ARHGEF19: variants seen among roughly 807,000 people sequenced by gnomAD.
The protein encoded by ARHGEF19 is Rho guanine nucleotide exchange factor 19, also known as Rho guanine nucleotide exchange factor (GEF) 19.
A neutral mutation model predicts 87.6 loss-of-function variants in ARHGEF19; 92 were observed. That is an observed-to-expected ratio of 1.05 (90% CI 0.89 to 1.25). The LOEUF is 1.25. Ranked by LOEUF, ARHGEF19 falls within the 50% of genes most tolerant of loss-of-function variation. The pLI, the probability that ARHGEF19 is intolerant of heterozygous loss-of-function variation, is 0.00. For synonymous variants in ARHGEF19, 438 were observed against 446.2 expected, an observed-to-expected ratio of 0.98 and a Z score of 0.23; for missense variants, 1,054 against 1,051.8, an observed-to-expected ratio of 1.00 and a Z score of -0.03.
At position 16,205,061 on chromosome 1, in the gene ARHGEF19, C is replaced by A; in HGVS notation, c.1746+26G>T. 6.3e-7 allele frequency: 1 copy of A among 1,582,004 alleles called. No individual in the cohort carries two copies. Among genetic ancestry groups the A allele is most frequent in the Non-Finnish European group, 8.6e-7 (1 of 1,163,928 alleles). On this transcript the variant is annotated intron_variant, in intron 11 of 15. Coordinates refer to ENST00000270747, the MANE Select transcript of ARHGEF19 (RefSeq NM_153213.5). The surrounding 1 kb of genome is among the most constrained non-coding windows in gnomAD (Gnocchi z 5.8). ...AAACAAGAGCTGCCCCTTGGGGTCC[C>A]CATCCCGCTGGCTGCAGACACACAC...
Position 16,207,262 on chromosome 1 carries a change from C to T in ARHGEF19, c.875-52G>A, listed in dbSNP as rs1233778007. 6 of 1,464,742 alleles carry T rather than the reference C, an allele frequency of 4.1e-6. No individual in the cohort carries two copies. The highest frequency in any genetic ancestry group is 5.4e-6 in the Non-Finnish European group (6 of 1,113,946). The allele number at this position is 1,464,742 out of a possible 1,614,324, so 90.7% of individuals were successfully genotyped here. A position where few individuals can be genotyped will look rare whatever the true frequency, so the allele number is the denominator to read the frequency against. On this transcript the variant is annotated intron_variant, in intron 5 of 15. Transcript: ENST00000270747. This position sits in a 1 kb window ranked among gnomAD's most constrained non-coding sequence, Gnocchi z 4.0. ...CGTGGGGCGCCCGCCAGCCCCTGCCCGGCTTTTCCTCGGTTCCCTCAAGAG... is the reference window on the plus strand; with the variant it reads ...CGTGGGGCGCCCGCCAGCCCCTGCCTGGCTTTTCCTCGGTTCCCTCAAGAG...
rs1365401506 is a variant in ARHGEF19, at chr1:16,206,919, C to G, written c.1137+29G>C. Reference sequence around the variant, plus strand: ...GACCGCGTACTCCCCGGCCCGCCCCCGCCCCGCCGGGTCCCCGCGCGCGCC... The same window carrying G: ...GACCGCGTACTCCCCGGCCCGCCCCGGCCCCGCCGGGTCCCCGCGCGCGCC... On this transcript the variant is annotated intron_variant, in intron 6 of 15. Transcript: ENST00000270747. The surrounding 1 kb of genome is among the most constrained non-coding windows in gnomAD (Gnocchi z 4.6). 4.9e-6 allele frequency: 7 copies of G among 1,438,916 alleles called. No individual in the cohort carries two copies. The highest frequency in any genetic ancestry group is 6.3e-6 in the Non-Finnish European group (7 of 1,105,852). 89.1% of individuals were successfully genotyped at this position (1,438,916 alleles called of 1,614,324 possible). A position where few individuals can be genotyped will look rare whatever the true frequency, so the allele number is the denominator to read the frequency against.
At chr1:16,204,650 A>G in intron 12 of ARHGEF19, 109 bp downstream of exon 12, 1 of 1,328,542 alleles carries the variant, frequency 7.5e-7, no homozygotes, top group East Asian at 2.5e-5. Flanking sequence ...ATACCCTGGC[A>G]CAGGCAGGGA....
Position 16,198,893 on chromosome 1 carries a change from C to A in ARHGEF19, c.2252-149G>T. The stretch of plus-strand genomic sequence containing the variant: ...GCATCTCTCAGCTCCAGGAAGGACC[C>A]TGTCTTGAGCTGTCTTGCAGATGAA... On this transcript the variant is annotated intron_variant, in intron 15 of 15. Coordinates refer to ENST00000270747, the MANE Select transcript of ARHGEF19 (RefSeq NM_153213.5). This position sits in a 1 kb window ranked among gnomAD's most constrained non-coding sequence, Gnocchi z 4.1. 9.6e-7 allele frequency: 1 copy of A among 1,039,056 alleles called. No individual in the cohort carries two copies. The allele number at this position is 1,039,056 out of a possible 1,614,324, so 64.4% of individuals were successfully genotyped here. A position where few individuals can be genotyped will look rare whatever the true frequency, so the allele number is the denominator to read the frequency against.
At position 16,207,904 on chromosome 1, in the gene ARHGEF19, G is replaced by GGGGGGCCCC; in HGVS notation, c.694+39_694+40insGGGGCCCCC. The GGGGGGCCCC allele has an allele frequency of 6.9e-7, 1 of 1,450,468 alleles. No homozygotes were observed. The highest frequency in any genetic ancestry group is 9.5e-7 in the Non-Finnish European group (1 of 1,057,620). The allele number at this position is 1,450,468 out of a possible 1,614,324, so 89.8% of individuals were successfully genotyped here. On this transcript the variant is annotated intron_variant, in intron 3 of 15. Transcript: ENST00000270747. The surrounding 1 kb of genome is among the most constrained non-coding windows in gnomAD (Gnocchi z 4.0). ...CATCGCCCACCCCCACCCCCACCCG[G>GGGGGGCCCC]CATCTGGCTGCCCTCAGGGCCCATG... is the stretch of plus-strand genomic sequence containing the variant.
Position 16,207,864 on chromosome 1 carries a change from C to A in ARHGEF19, c.694+80G>T, listed in dbSNP as rs551710941. The A allele has an allele frequency of 1.1e-5, 17 of 1,584,076 alleles. No homozygotes were observed. The highest frequency in any genetic ancestry group is 1.4e-5 in the Non-Finnish European group (16 of 1,166,154). On this transcript the variant is annotated intron_variant, in intron 3 of 15. Transcript: ENST00000270747. This position sits in a 1 kb window ranked among gnomAD's most constrained non-coding sequence, Gnocchi z 4.0. ...GCCCAGGCACCCTGACGGCCTCAGG[C>A]GGCCGGTGAGTGGGCATCGCCCACC...
At chr1:16,208,255 G>A (rs201379329) in intron 2 of ARHGEF19, 30 bp from the exon 3 acceptor site, 7 of 1,599,704 alleles carry the variant, frequency 4.4e-6, no homozygotes, top group East Asian at 4.5e-5. Context: ...GTGAGAGCAC[G>A]GGCTGGGGTC....
At position 16,205,994 on chromosome 1, in the gene ARHGEF19, C is replaced by A; in HGVS notation, c.1388G>T (p.Arg463Leu). 1.9e-6 allele frequency: 3 copies of A among 1,609,770 alleles called. No homozygotes were observed. Among genetic ancestry groups the A allele is most frequent in the South Asian group, 1.1e-5 (1 of 90,254 alleles). Residue 463 changes from arginine to leucine, a missense_variant, in exon 8 of 16, where the codon CGC becomes CTC. By Grantham distance (102) the Arg-to-Leu change is moderately radical. Coordinates refer to ENST00000270747, the MANE Select transcript of ARHGEF19 (RefSeq NM_153213.5). The surrounding 1 kb of genome is among the most constrained non-coding windows in gnomAD (Gnocchi z 5.8). ...GGTGACATAGGGCAGGTAGACTCTG[C>A]GGAAGGCCGGGCAGTGGTCCAGCAC... ...DVVLDHCPAFRRVYLPYVTNQ... is the reference protein window; with the variant it reads ...DVVLDHCPAFLRVYLPYVTNQ...
In ARHGEF19 at chr1:16,207,061, G is replaced by T; in HGVS notation, c.1024C>A (p.Arg342=). ...RANLSPSSSF[R]AQRSARGSTF... ...GAGCCTCGCGCCGAGCGCTGCGCCC[G>T]GAAGGAGCTGCTGGGGGAGAGGTTG... The change falls in exon 6 of 16, where the codon CGG becomes AGG. Residue 342 remains arginine, a synonymous_variant. Transcript: ENST00000270747. The surrounding 1 kb of genome is among the most constrained non-coding windows in gnomAD (Gnocchi z 4.0). 1 of 1,507,334 alleles carries T rather than the reference G, an allele frequency of 6.6e-7. No homozygotes were observed. The allele number at this position is 1,507,334 out of a possible 1,614,324, so 93.4% of individuals were successfully genotyped here.
chr1:16,202,282 T>C, intron 13 of ARHGEF19, 134 bp downstream of exon 13: 11 of 1,319,560 alleles, frequency 8.3e-6, no homozygotes, highest in Non-Finnish European at 1.1e-5. Context: ...CAGGGAAGAG[T>C]TGAGCACTTG....
At position 16,208,939 on chromosome 1, in the gene ARHGEF19, G is replaced by T. The variant is rs771545514; in HGVS notation, c.116C>A (p.Ala39Asp). 3.8e-6 allele frequency: 6 copies of T among 1,581,266 alleles called. No homozygotes were observed. The highest frequency in any genetic ancestry group is 5.1e-6 in the Non-Finnish European group (6 of 1,165,158). ...QESLSFAELP[A>D]LKPPSPVCLD... ...ACACACTGGGCTCGGGGGCTTCAGGGCGGGCAGCTCTGCAAAGGACAGACT... is the reference window on the plus strand; with the variant it reads ...ACACACTGGGCTCGGGGGCTTCAGGTCGGGCAGCTCTGCAAAGGACAGACT... The change falls in exon 2 of 16, where the codon GCC becomes GAC. Residue 39 changes from alanine to aspartate, a missense_variant. Physicochemically the swap from Ala to Asp is moderately radical, Grantham distance 126. Coordinates refer to ENST00000270747, the MANE Select transcript of ARHGEF19 (RefSeq NM_153213.5).
At chr1:16,211,847 G>C (rs765019313) in intron 1 of ARHGEF19, among the ~76,000 whole-genome samples, 6 of 152,144 alleles carry the variant, frequency 3.9e-5, no homozygotes, top group African/African-American at 1.4e-4. Context: ...CCTTCCCAAG[G>C]CACGATCACA....
At chr1:16,199,383 T>G (rs1569695179) in intron 14 of ARHGEF19, 129 bp from the exon 15 acceptor site, 13 of 727,946 alleles carry the variant, frequency 1.8e-5, no homozygotes, top group Non-Finnish European at 2.6e-5. Flanking sequence ...CTTCTATTCC[T>G]CTGCCACTGC....
chr1:16,209,520 A>T (rs1483921487), intron 1 of ARHGEF19, among the ~76,000 whole-genome samples: 3 of 152,202 alleles, frequency 2.0e-5, no homozygotes, highest in Non-Finnish European at 2.9e-5. Context: ...ATTTCCCAAC[A>T]TATACATCCA....
At position 16,205,383 on chromosome 1, in the gene ARHGEF19, T is replaced by A; in HGVS notation, c.1624A>T (p.Met542Leu). ...RTAQGSEDED[M>L]ATKAFNALKE... ...AGCGCATTGAAGGCCTTGGTGGCCA[T>A]GTCTTCGTCTTCAGAGCCCTGTGCT... Residue 542 changes from methionine (M) to leucine (L), a missense_variant, in exon 10 of 16, where the codon ATG becomes TTG. Physicochemically the swap from Met to Leu is conservative, Grantham distance 15. Transcript: ENST00000270747. This position sits in a 1 kb window ranked among gnomAD's most constrained non-coding sequence, Gnocchi z 5.8. 1 of 1,613,570 alleles carries A rather than the reference T, an allele frequency of 6.2e-7. No individual in the cohort carries two copies. The highest frequency in any genetic ancestry group is 8.5e-7 in the Non-Finnish European group (1 of 1,179,646).
At position 16,208,153 on chromosome 1, in the gene ARHGEF19, G is replaced by A. The variant is rs201299867; in HGVS notation, c.485C>T (p.Pro162Leu). The A allele has an allele frequency of 1.9e-6, 3 of 1,613,382 alleles. No individual in the cohort carries two copies. In the Admixed American group the frequency reaches 5.0e-5, roughly 27 times the overall value. ...CPEAHAVFLE[P>L]GQVVQEQALS... ...GGCCTGCTCTTGCACTACCTGGCCA[G>A]GCTCTAGGAAGACAGCGTGGGCCTC... The change falls in exon 3 of 16, where the codon CCT becomes CTT. Residue 162 changes from proline to leucine, a missense_variant. By Grantham distance (98) the Pro-to-Leu change is moderately conservative. Transcript: ENST00000270747.
Position 16,205,013 on chromosome 1 carries a change from C to T in ARHGEF19, c.1746+74G>A. 1.3e-6 allele frequency: 2 copies of T among 1,562,188 alleles called. No homozygotes were observed. The highest frequency in any genetic ancestry group is 2.4e-5 in the South Asian group (2 of 85,032). On this transcript the variant is annotated intron_variant, in intron 11 of 15. Transcript: ENST00000270747. This position sits in a 1 kb window ranked among gnomAD's most constrained non-coding sequence, Gnocchi z 5.8. ...AGGGTGTGGGCAGCGATTAACTGGC[C>T]TGAAGCCCCCAGGGCAAGGAAGAAA...
rs562367221 is a variant in ARHGEF19 at position 16,198,630 on chromosome 1, C to T, written c.2366G>A (p.Arg789Gln). 10 of 1,613,508 alleles carry T rather than the reference C, an allele frequency of 6.2e-6. No individual in the cohort carries two copies. In the East Asian group the frequency reaches 6.7e-5, roughly 11 times the overall value. Residue 789 changes from arginine to glutamine, a missense_variant, in exon 16 of 16, where the codon CGA becomes CAA. Physicochemically the swap from Arg to Gln is conservative, Grantham distance 43. Transcript: ENST00000270747. The surrounding 1 kb of genome is among the most constrained non-coding windows in gnomAD (Gnocchi z 4.1). ...ARLRNLRENK[R>Q]VTSATSKLGE... ...CAGTTTGCTGGTGGCACTTGTGACT[C>T]GCTTATTCTCCCGGAGGTTTCGGAG...
intron 1 of ARHGEF19, among the ~76,000 whole-genome samples, chr1:16,212,098 T>G (rs1219661517): frequency 1.3e-5 from 2 of 152,186 alleles, no homozygotes; most frequent in African/African-American, 4.8e-5. Flanking sequence ...CCAAGAAGGA[T>G]GGGCAGGGGC....
Sources: gnomAD v4.1 joint callset for allele counts (sites outside exome capture counted in the v4.1 genomes callset) on GRCh38, gnomAD v4.1.1 for gene constraint, Gnocchi (gnomAD v3.1) non-coding constraint, MANE v1.5 for transcripts, NCBI Gene and HGNC (gene_info 2026-07-23, HGNC 2026-07-21) for gene names.